METTL2A: variants seen among roughly 807,000 people sequenced by gnomAD.
METTL2A encodes methyltransferase 2A, tRNA N3-cytidine, also known as tRNA N(3)-cytidine methyltransferase METTL2A.
Under a neutral mutation model 49.4 loss-of-function variants are expected in METTL2A, and 45 were observed. That is an observed-to-expected ratio of 0.91 (90% CI 0.72 to 1.17). The LOEUF (loss-of-function observed/expected upper bound fraction) is 1.17. Ranked by LOEUF, METTL2A falls within the 50% of genes most tolerant of loss-of-function variation. METTL2A has a pLI of 0.00. For missense variants in METTL2A, 361 were observed against 462.2 expected, an observed-to-expected ratio of 0.78 and a Z score of 2.01; for synonymous variants, 118 against 167.5, an observed-to-expected ratio of 0.70 and a Z score of 2.28.
chr17:62,441,239 T>C (rs1489780539), intron 6 of METTL2A, among the ~76,000 whole-genome samples: 1 of 152,248 alleles, frequency 6.6e-6, no homozygotes, highest in East Asian at 1.9e-4. Flanking sequence ...TGTCTTGATG[T>C]CCAACTTCTG....
At chr17:62,432,445 G>A (rs2070671677) in intron 4 of METTL2A, among the ~76,000 whole-genome samples, 1 of 152,116 alleles carries the variant, frequency 6.6e-6, no homozygotes, top group African/African-American at 2.4e-5. Flanking sequence ...AAGGAGATAG[G>A]ATCACCTGAG....
At chr17:62,428,660 C>T (rs2070644272) in intron 4 of METTL2A, among the ~76,000 whole-genome samples, 1 of 152,184 alleles carries the variant, frequency 6.6e-6, no homozygotes, top group African/African-American at 2.4e-5. Context: ...AGATTAACAG[C>T]CAGCTGAAGA....
intron 4 of METTL2A, among the ~76,000 whole-genome samples, chr17:62,431,539 A>G (rs2070665431): frequency 6.6e-6 from 1 of 151,578 alleles, no homozygotes; most frequent in Admixed American, 6.6e-5. Context: ...TTTTTGTAGA[A>G]ACGGGGTTTT....
At position 62,434,049 on chromosome 17, in the gene METTL2A, C is replaced by T. The variant is rs1008705861; in HGVS notation, c.609-1183C>T. 6.6e-5 allele frequency among the ~76,000 whole-genome samples: 10 copies of T among 152,188 alleles called. No individual in the cohort carries two copies. The South Asian group carries it at 1.7e-3, about 25-fold the overall frequency. ...AAGCTGAGTCTGATAGAACTTAGCCCGTGACCTTAATGGGTACTCGGCAGA... is the reference window on the plus strand; with the variant it reads ...AAGCTGAGTCTGATAGAACTTAGCCTGTGACCTTAATGGGTACTCGGCAGA... On this transcript the variant is annotated intron_variant, in intron 4 of 8. Transcript: ENST00000311506.
chr17:62,434,170 C>G (rs1282292152), intron 4 of METTL2A, among the ~76,000 whole-genome samples: 1 of 152,200 alleles, frequency 6.6e-6, no homozygotes, highest in African/African-American at 2.4e-5. Context: ...CGGAAATGTT[C>G]TGCATCTTCA....
chr17:62,432,483 A>G (rs1294731293), intron 4 of METTL2A, among the ~76,000 whole-genome samples: 1 of 152,162 alleles, frequency 6.6e-6, no homozygotes, highest in Non-Finnish European at 1.5e-5. Context: ...AGCCTGAGCA[A>G]CATAGTGAGA....
At chr17:62,429,642 A>AC (rs763214179) in intron 4 of METTL2A, among the ~76,000 whole-genome samples, 55 of 152,032 alleles carry the variant, frequency 3.6e-4, no homozygotes, top group Non-Finnish European at 5.9e-4. Context: ...AACCACAAAG[A>AC]CCAACACCAG....
In METTL2A at chr17:62,452,996, AC is replaced by A. The variant is rs565944497; in HGVS notation, c.*4268del. ...CTGTATTTACTTAAAACTGGAAAAA[AC>A]TGAATCACTGGGATGGTATTTCATT... On this transcript the variant is annotated 3_prime_UTR_variant, in exon 9 of 9. Coordinates refer to ENST00000311506, the MANE Select transcript of METTL2A (RefSeq NM_181725.4). Among the ~76,000 whole-genome samples the A allele has an allele frequency of 2.6e-3, 395 of 152,344 alleles. 2 individuals carry two copies. The highest frequency in any genetic ancestry group is 8.1e-3 in the African/African-American group (337 of 41,582).
chr17:62,445,406 A>T (rs2070762160), intron 7 of METTL2A, among the ~76,000 whole-genome samples: 1 of 152,126 alleles, frequency 6.6e-6, no homozygotes, highest in Non-Finnish European at 1.5e-5. Flanking sequence ...GTGACAGAGT[A>T]GTATATTTTT....
At chr17:62,434,870 T>C (rs2070690301) in intron 4 of METTL2A, 1 of 298,710 alleles carries the variant, frequency 3.3e-6, no homozygotes, top group South Asian at 3.5e-5. Context: ...ACAGATGTGT[T>C]CCTGGTGTGG....
At chr17:62,446,115 A>G (rs2070766769) in intron 7 of METTL2A, among the ~76,000 whole-genome samples, 1 of 152,238 alleles carries the variant, frequency 6.6e-6, no homozygotes, top group African/African-American at 2.4e-5. Context: ...ATTCAAAGAA[A>G]GAGGTGCATT....
At chr17:62,424,838 G>A (rs2070612556) in intron 2 of METTL2A, among the ~76,000 whole-genome samples, 1 of 151,672 alleles carries the variant, frequency 6.6e-6, no homozygotes. Flanking sequence ...CAAAGAAAAG[G>A]AGGCCCCTGC....
At chr17:62,446,453 G>A (rs1216463559) in intron 7 of METTL2A, among the ~76,000 whole-genome samples, 1 of 152,112 alleles carries the variant, frequency 6.6e-6, no homozygotes, top group Non-Finnish European at 1.5e-5. Flanking sequence ...CGAGACTACA[G>A]GCATGTGCCA....
rs746562331 is a variant in METTL2A, at chr17:62,439,508, A to G, written c.670-1109A>G. Among the ~76,000 whole-genome samples the G allele has an allele frequency of 6.7e-4, 102 of 152,062 alleles. 1 individual carries two copies. The highest frequency in any genetic ancestry group is 8.5e-4 in the Non-Finnish European group (58 of 67,994). ...GAGTGCAGTGGTGCCATCTCAGCTTACTGAAAGCTCCGCCTCCCGGGTTCA... is the reference window on the plus strand; with the variant it reads ...GAGTGCAGTGGTGCCATCTCAGCTTGCTGAAAGCTCCGCCTCCCGGGTTCA... On this transcript the variant is annotated intron_variant, in intron 5 of 8. Transcript: ENST00000311506.
chr17:62,441,095 C>A (rs1383063643), intron 6 of METTL2A, among the ~76,000 whole-genome samples: 1 of 152,166 alleles, frequency 6.6e-6, no homozygotes, highest in Non-Finnish European at 1.5e-5. Flanking sequence ...TGTGAGCCAC[C>A]ATGCCCAGCC....
At chr17:62,446,196 C>G (rs560913247) in intron 7 of METTL2A, among the ~76,000 whole-genome samples, 1 of 152,164 alleles carries the variant, frequency 6.6e-6, no homozygotes, top group Non-Finnish European at 1.5e-5. Flanking sequence ...CGTTATTGCC[C>G]AGGCTGGAGT....
At chr17:62,424,689 G>T (rs3793169) in intron 2 of METTL2A, among the ~76,000 whole-genome samples, 31,905 of 151,456 alleles carry the variant, frequency 0.21, 5,364 homozygotes, top group East Asian at 0.56. Context: ...AAGCTTCATT[G>T]AAGTGATTAG....
intron 4 of METTL2A, among the ~76,000 whole-genome samples, chr17:62,431,729 T>G (rs1344193100): frequency 6.6e-6 from 1 of 152,086 alleles, no homozygotes; most frequent in Non-Finnish European, 1.5e-5. Flanking sequence ...TTTTGTTTTG[T>G]TTTGGTTTTG....
In METTL2A at chr17:62,450,101, AAAAAG is replaced by A. The variant is rs1333005627; in HGVS notation, c.*1380_*1384del. On this transcript the variant is annotated 3_prime_UTR_variant, in exon 9 of 9. Coordinates refer to ENST00000311506, the MANE Select transcript of METTL2A (RefSeq NM_181725.4). ...AGAGGAAGACTCCGTCTCAAAAAAA[AAAAAG>A]AAAAGAATTTTCACTTTTTGCAAAA... The A allele has an allele frequency of 3.3e-5, 5 of 152,120 alleles. No homozygotes were observed. The highest frequency in any genetic ancestry group is 2.1e-4 in the South Asian group (1 of 4,828). The allele number at this position is 152,120 out of a possible 1,614,324, so 9.4% of individuals were successfully genotyped here.
Sources: gnomAD v4.1 joint callset for allele counts (sites outside exome capture counted in the v4.1 genomes callset) on GRCh38, gnomAD v4.1.1 for gene constraint, MANE v1.5 for transcripts, NCBI Gene and HGNC (gene_info 2026-07-23, HGNC 2026-07-21) for gene names.